Variants in NAALADL2 observed in about 807,000 individuals in gnomAD.
The protein encoded by NAALADL2 is N-acetylated alpha-linked acidic dipeptidase like 2.
Under a neutral mutation model 87.2 loss-of-function variants are expected in NAALADL2, and 76 were observed. That is an observed-to-expected ratio of 0.87 (90% CI 0.72 to 1.05). The LOEUF (loss-of-function observed/expected upper bound fraction) is 1.05, where lower values mean the gene tolerates loss of function less well. Among genes scored for constraint, NAALADL2 ranks in the 50% least tolerant of loss-of-function variants. The pLI, the probability that NAALADL2 is intolerant of heterozygous loss-of-function variation, is 0.00. For synonymous variants in NAALADL2, 354 were observed against 331.0 expected (o/e 1.07, Z -0.75); for missense variants, 1,089 against 945.8 (o/e 1.15, Z -1.99).
At chr3:174,909,736 T>C (rs898895441) in intron 1 of NAALADL2, among the ~76,000 whole-genome samples, 3 of 152,136 alleles carry the variant, frequency 2.0e-5, no homozygotes, top group Non-Finnish European at 4.4e-5. Flanking sequence ...AAACGAACTC[T>C]AAAAGGACTA....
At chr3:174,501,258 T>TTTG in intron 1 of NAALADL2, among the ~76,000 whole-genome samples, 1 of 148,554 alleles carries the variant, frequency 6.7e-6, no homozygotes, top group Non-Finnish European at 1.5e-5. Context: ...TTTTGTATTT[T>TTTG]TAGTAGAGAC....
intron 3 of NAALADL2, among the ~76,000 whole-genome samples, chr3:174,758,197 C>T (rs1712396152): frequency 6.6e-6 from 1 of 152,178 alleles, no homozygotes; most frequent in Non-Finnish European, 1.5e-5. Flanking sequence ...CATAGCATCT[C>T]CCTTCCACGT....
At chr3:174,504,671 AG>A (rs960970068) in intron 1 of NAALADL2, among the ~76,000 whole-genome samples, 1 of 152,154 alleles carries the variant, frequency 6.6e-6, no homozygotes, top group African/African-American at 2.4e-5. Flanking sequence ...AGGAGTAAGT[AG>A]CATCCTGAAA....
At chr3:175,128,129 C>T (rs1252639424) in intron 2 of NAALADL2, among the ~76,000 whole-genome samples, 1 of 152,062 alleles carries the variant, frequency 6.6e-6, no homozygotes, top group Non-Finnish European at 1.5e-5. Flanking sequence ...AGATTTCTCT[C>T]CTGGAAGAAT....
chr3:174,546,285 G>A (rs941654477), intron 1 of NAALADL2, among the ~76,000 whole-genome samples: 2 of 152,072 alleles, frequency 1.3e-5, no homozygotes, highest in African/African-American at 4.8e-5. Context: ...TAATTCCCTT[G>A]TTTTAACTTT....
chr3:174,656,530 A>G (rs1724945835), intron 2 of NAALADL2, among the ~76,000 whole-genome samples: 1 of 152,234 alleles, frequency 6.6e-6, no homozygotes, highest in African/African-American at 2.4e-5. Flanking sequence ...GGTATTAGCA[A>G]CTTAGAAGAA....
chr3:174,742,406 G>T (rs1733848947), intron 3 of NAALADL2, among the ~76,000 whole-genome samples: 1 of 151,730 alleles, frequency 6.6e-6, no homozygotes, highest in Non-Finnish European at 1.5e-5. Context: ...GCCCAGATCA[G>T]TCATGGGCTT....
At chr3:175,426,943 T>A (rs1298039097) in intron 5 of NAALADL2, among the ~76,000 whole-genome samples, 6 of 152,158 alleles carry the variant, frequency 3.9e-5, no homozygotes, top group Non-Finnish European at 5.9e-5. Context: ...ATGTGCTGAC[T>A]AAGCAACCTG....
At chr3:175,667,776 T>G (rs1429221013) in intron 11 of NAALADL2, among the ~76,000 whole-genome samples, 4 of 148,490 alleles carry the variant, frequency 2.7e-5, no homozygotes, top group Non-Finnish European at 5.9e-5. Context: ...AACAGGAAGA[T>G]GAAGTTAGAC....
chr3:174,830,566 T>C (rs1341764737), intron 3 of NAALADL2, among the ~76,000 whole-genome samples: 1 of 151,760 alleles, frequency 6.6e-6, no homozygotes, highest in Non-Finnish European at 1.5e-5. Flanking sequence ...AGCTTTGTTC[T>C]TTTGGCTTAG....
intron 1 of NAALADL2, among the ~76,000 whole-genome samples, chr3:175,093,452 A>T (rs1195777153): frequency 1.4e-5 from 2 of 140,490 alleles, no homozygotes; most frequent in Non-Finnish European, 3.2e-5. Context: ...TGAAGCAAAC[A>T]AAACTATCAG....
chr3:174,897,353 C>T (rs1225844963), intron 1 of NAALADL2, among the ~76,000 whole-genome samples: 1 of 148,632 alleles, frequency 6.7e-6, no homozygotes, highest in Non-Finnish European at 1.5e-5. Flanking sequence ...AAAAAGTGGG[C>T]AAAATATTTG....
At chr3:175,642,707 A>G (rs1165679857) in intron 11 of NAALADL2, among the ~76,000 whole-genome samples, 4 of 152,038 alleles carry the variant, frequency 2.6e-5, no homozygotes, top group South Asian at 2.1e-4. Context: ...TCACCGTGTT[A>G]GCCAGGATGG....
chr3:175,636,098 C>T (rs542980906), intron 11 of NAALADL2, among the ~76,000 whole-genome samples: 10 of 152,210 alleles, frequency 6.6e-5, no homozygotes, highest in East Asian at 5.8e-4. Flanking sequence ...CACACACACA[C>T]GCACATACAC....
At chr3:175,197,050 GGAGA>G (rs1404969349) in intron 2 of NAALADL2, among the ~76,000 whole-genome samples, 3 of 151,954 alleles carry the variant, frequency 2.0e-5, no homozygotes, top group African/African-American at 7.2e-5. Flanking sequence ...GCAATTTGCT[GGAGA>G]GAGAAAGTGC....
chr3:174,451,843 G>GTTTTTT (rs764587503), intron 1 of NAALADL2, among the ~76,000 whole-genome samples: 19 of 98,088 alleles, frequency 1.9e-4, no homozygotes, highest in African/African-American at 6.5e-4. Context: ...GATAGTGGGA[G>GTTTTTT]TTTTTTTTTT....
intron 11 of NAALADL2, among the ~76,000 whole-genome samples, chr3:175,726,969 T>G (rs1205535501): frequency 6.6e-6 from 1 of 152,136 alleles, no homozygotes; most frequent in Non-Finnish European, 1.5e-5. Context: ...TAGTACATAC[T>G]TGCAAAAAAC....
intron 3 of NAALADL2, among the ~76,000 whole-genome samples, chr3:174,741,042 T>A (rs1176256199): frequency 6.6e-6 from 1 of 151,810 alleles, no homozygotes; most frequent in East Asian, 1.9e-4. Context: ...AATGGTCTAA[T>A]GGTGATAATT....
chr3:175,722,459 C>A (rs1331040640), intron 11 of NAALADL2, among the ~76,000 whole-genome samples: 1 of 152,044 alleles, frequency 6.6e-6, no homozygotes. Flanking sequence ...AAGCATGACA[C>A]CAGGATATGT....
Sources: allele counts gnomAD v4.1 joint callset (sites outside exome capture counted in the v4.1 genomes callset), GRCh38; gene constraint gnomAD v4.1.1; transcripts MANE v1.5; gene names NCBI Gene and HGNC (gene_info 2026-07-23, HGNC 2026-07-21).